The following DTNBP1 variants were observed in gnomAD, a reference collection of about 807,000 sequenced individuals.
DTNBP1 encodes the protein dysbindin.
A neutral mutation model predicts 42.8 loss-of-function variants in DTNBP1; 35 were observed. That is an observed-to-expected ratio of 0.82 (90% CI 0.63 to 1.09). DTNBP1 has a LOEUF of 1.09. Ranked by LOEUF, DTNBP1 falls within the 50% of genes least tolerant of loss-of-function variation. The pLI is 0.00. For missense variants in DTNBP1, 457 were observed against 424.2 expected, an observed-to-expected ratio of 1.08 and a Z score of -0.68; for synonymous variants, 171 against 162.2, an observed-to-expected ratio of 1.05 and a Z score of -0.41.
chr6:15,608,738 A>G (rs1290478269), intron 6 of DTNBP1, among the ~76,000 whole-genome samples: 1 of 152,236 alleles, frequency 6.6e-6, no homozygotes, highest in Non-Finnish European at 1.5e-5. Context: ...AATTTTGCCC[A>G]GTAAATATTC....
At chr6:15,626,315 C>T (rs1225018625) in intron 5 of DTNBP1, among the ~76,000 whole-genome samples, 1 of 152,192 alleles carries the variant, frequency 6.6e-6, no homozygotes, top group Non-Finnish European at 1.5e-5. Flanking sequence ...ACAGTAGGTG[C>T]TATAAACATT....
At chr6:15,525,038 T>C (rs1772278013) in intron 8 of DTNBP1, among the ~76,000 whole-genome samples, 1 of 152,254 alleles carries the variant, frequency 6.6e-6, no homozygotes, top group Non-Finnish European at 1.5e-5. Flanking sequence ...GCCACAGCTC[T>C]GCTTCCTGCC....
At chr6:15,569,893 A>G (rs1183703479) in intron 7 of DTNBP1, among the ~76,000 whole-genome samples, 1 of 152,090 alleles carries the variant, frequency 6.6e-6, no homozygotes, top group Non-Finnish European at 1.5e-5. Context: ...ATGTCCCTGT[A>G]ATAATGCTGA....
chr6:15,657,756 T>C (rs1761369449), intron 1 of DTNBP1, among the ~76,000 whole-genome samples: 1 of 152,238 alleles, frequency 6.6e-6, no homozygotes, highest in African/African-American at 2.4e-5. Context: ...GCCTGCCACA[T>C]AGTAAGCACT....
At chr6:15,661,783 G>A (rs1428981376) in intron 1 of DTNBP1, among the ~76,000 whole-genome samples, 2 of 152,194 alleles carry the variant, frequency 1.3e-5, no homozygotes, top group Non-Finnish European at 2.9e-5. Flanking sequence ...CACTTTAAAG[G>A]AATGAAAAAA....
chr6:15,590,073 T>C (rs1776232297), intron 7 of DTNBP1, among the ~76,000 whole-genome samples: 1 of 152,052 alleles, frequency 6.6e-6, no homozygotes. Context: ...GCTGGGACTA[T>C]AGGCGCCCAC....
chr6:15,523,562 CTTTTTT>C lies in DTNBP1; in HGVS notation c.812-349_812-344del, dbSNP rs5874516. ...CTTGTAACCTTGATAATCTAGATTT[CTTTTTT>C]TTTTTTTTACCCTTTGCAGTAATTC... On this transcript the variant is annotated intron_variant, in intron 9 of 9. Coordinates refer to ENST00000344537, the MANE Select transcript of DTNBP1 (RefSeq NM_032122.5). 2.9e-4 allele frequency: 340 copies of C among 1,184,152 alleles called. 3 individuals are homozygous for C. The African/African-American group carries it at 5.3e-3, about 19-fold the overall frequency. 73.4% of individuals were successfully genotyped at this position (1,184,152 alleles called of 1,614,324 possible). A position where few individuals can be genotyped will look rare whatever the true frequency, so the allele number is the denominator to read the frequency against.
intron 6 of DTNBP1, 86 bp from the exon 7 acceptor site, chr6:15,593,167 A>G: frequency 7.9e-6 from 10 of 1,268,608 alleles, no homozygotes; most frequent in Non-Finnish European, 8.8e-6. Flanking sequence ...ATAAAAACTT[A>G]TGTACTTTAA....
At chr6:15,549,490 TTAAAAAAAAA>T (rs1320777222) in intron 7 of DTNBP1, among the ~76,000 whole-genome samples, 4 of 101,802 alleles carry the variant, frequency 3.9e-5, no homozygotes, top group Non-Finnish European at 5.4e-5. Context: ...GTCTCAGGGA[TTAAAAAAAAA>T]AAAAAAAAAA....
At chr6:15,595,764 G>A (rs1035055056) in intron 6 of DTNBP1, among the ~76,000 whole-genome samples, 3 of 152,178 alleles carry the variant, frequency 2.0e-5, no homozygotes, top group Non-Finnish European at 4.4e-5. Flanking sequence ...GGCCAAAGAC[G>A]ACGCAGGTTA....
intron 1 of DTNBP1, among the ~76,000 whole-genome samples, chr6:15,655,205 T>C (rs987055171): frequency 1.3e-5 from 2 of 152,140 alleles, no homozygotes; most frequent in African/African-American, 4.8e-5. Flanking sequence ...CACTGCAGCC[T>C]CAAGCTCCTG....
intron 7 of DTNBP1, among the ~76,000 whole-genome samples, chr6:15,552,624 T>C (rs1774278292): frequency 6.6e-6 from 1 of 152,148 alleles, no homozygotes; most frequent in African/African-American, 2.4e-5. Flanking sequence ...CTCCTTTCTC[T>C]ATTTTCTTGA....
chr6:15,635,362 AC>A (rs964418752), intron 4 of DTNBP1, among the ~76,000 whole-genome samples: 1 of 151,630 alleles, frequency 6.6e-6, no homozygotes, highest in Non-Finnish European at 1.5e-5. Flanking sequence ...CAGGTGATCC[AC>A]CCGCCTCAGC....
intron 6 of DTNBP1, among the ~76,000 whole-genome samples, chr6:15,596,034 A>C (rs1348663992): frequency 6.6e-6 from 1 of 152,164 alleles, no homozygotes; most frequent in East Asian, 1.9e-4. Flanking sequence ...TACACAGGAA[A>C]CTCACGTTGG....
chr6:15,615,300 G>T lies in DTNBP1; in HGVS notation c.455C>A (p.Ser152Tyr). 1 of 1,614,078 alleles carries T rather than the reference G, an allele frequency of 6.2e-7. No homozygotes were observed. The highest frequency in any genetic ancestry group is 8.5e-7 in the Non-Finnish European group (1 of 1,180,014). The change falls in exon 6 of 10, where the codon TCC becomes TAC. Residue 152 changes from serine to tyrosine, a missense_variant. Transcript: ENST00000344537. Reference sequence around the variant, plus strand: ...TTTCTTGTAATTCTCCAGTTGCTGGGACTGCATATGTTTGCATCTTTCTAA... The same window carrying T: ...TTTCTTGTAATTCTCCAGTTGCTGGTACTGCATATGTTTGCATCTTTCTAA... ...CELERCKHMQ[S>Y]QQLENYKKNK...
rs1331896887 is a variant in DTNBP1 at position 15,533,172 on chromosome 6, G to C, written c.667+68C>G. On this transcript the variant is annotated intron_variant, in intron 8 of 9. Transcript: ENST00000344537. ...ATTCTGCCCCATGCCCTGCTCTGGGGAGAGGGGTCCATCGCCACCCCGCAC... is the reference window on the plus strand; with the variant it reads ...ATTCTGCCCCATGCCCTGCTCTGGGCAGAGGGGTCCATCGCCACCCCGCAC... 11 of 1,603,166 alleles carry C rather than the reference G, an allele frequency of 6.9e-6. No homozygotes were observed. The East Asian group carries it at 1.3e-4, about 20-fold the overall frequency.
chr6:15,623,235 G>C (rs1396112224), intron 5 of DTNBP1, among the ~76,000 whole-genome samples: 1 of 152,210 alleles, frequency 6.6e-6, no homozygotes, highest in Non-Finnish European at 1.5e-5. Context: ...AAAACTGACA[G>C]AGCTATGATA....
chr6:15,546,744 A>G (rs570135179), intron 7 of DTNBP1, among the ~76,000 whole-genome samples: 1 of 152,266 alleles, frequency 6.6e-6, no homozygotes, highest in South Asian at 2.1e-4. Context: ...GAGTACAGGT[A>G]GCACCAAGAA....
intron 3 of DTNBP1, among the ~76,000 whole-genome samples, chr6:15,649,823 C>T (rs921601789): frequency 6.6e-6 from 1 of 152,076 alleles, no homozygotes; most frequent in African/African-American, 2.4e-5. Context: ...TAAAATGCAA[C>T]CCTATCCCCA....
Sources: gnomAD v4.1 joint callset for allele counts (sites outside exome capture counted in the v4.1 genomes callset) on GRCh38, gnomAD v4.1.1 for gene constraint, MANE v1.5 for transcripts, NCBI Gene and HGNC (gene_info 2026-07-23, HGNC 2026-07-21) for gene names.